The following KCNMA1 variants were observed in gnomAD, a reference collection of about 807,000 sequenced individuals.
KCNMA1 encodes the protein potassium calcium-activated channel subfamily M alpha 1, also known as Calcium-activated potassium channel subunit alpha-1.
A neutral mutation model predicts 140.0 loss-of-function variants in KCNMA1; 29 were observed. The observed-to-expected ratio is 0.21, with a 90% CI of 0.15 to 0.28. The LOEUF (loss-of-function observed/expected upper bound fraction) is 0.28. Among genes scored for constraint, KCNMA1 ranks in the 10% least tolerant of loss-of-function variants. The pLI, the probability that KCNMA1 is intolerant of heterozygous loss-of-function variation, is 1.00. For missense variants in KCNMA1, 880 were observed against 1,602.2 expected, an observed-to-expected ratio of 0.55 and a Z score of 7.70; for synonymous variants, 612 against 611.9, an observed-to-expected ratio of 1.00 and a Z score of 0.00.
At chr10:77,589,260 A>G (rs1404149144) in intron 1 of KCNMA1, among the ~76,000 whole-genome samples, 1 of 152,188 alleles carries the variant, frequency 6.6e-6, no homozygotes, top group Non-Finnish European at 1.5e-5. Context: ...GCCATGGATG[A>G]CTGGGGAGGC....
Position 77,637,272 on chromosome 10 carries a change from T to C in KCNMA1, c.371A>G (p.Lys124Arg), listed in dbSNP as rs750826732. The change falls in exon 1 of 28, where the codon AAG becomes AGG. Residue 124 changes from lysine (K) to arginine (R), a missense_variant. Physicochemically the swap from Lys to Arg is conservative, Grantham distance 26 (BLOSUM62 2). This residue lies in a region of KCNMA1 where 54 missense variants were observed against 56.4 expected (regional missense o/e 0.96). Coordinates refer to ENST00000286628, the MANE Select transcript of KCNMA1 (RefSeq NM_001161352.2). ...GCCCGGGGCGCGCGTTACCTTCGTC[T>C]TGCCCCCGCAGTGGCAGCACACGGT... is the stretch of plus-strand genomic sequence containing the variant. ...LWTVCCHCGG[K>R]TKEAQKINNG... 8.7e-6 allele frequency: 14 copies of C among 1,607,064 alleles called. No individual in the cohort carries two copies. Among genetic ancestry groups the C allele is most frequent in the South Asian group, 1.1e-5 (1 of 90,408 alleles).
At chr10:76,956,020 T>C (rs1218510827) in intron 20 of KCNMA1, among the ~76,000 whole-genome samples, 2 of 152,136 alleles carry the variant, frequency 1.3e-5, no homozygotes, top group Non-Finnish European at 2.9e-5. Flanking sequence ...ATTTAAAAGA[T>C]ACTCAGAACT....
chr10:77,627,136 C>T (rs548020794), intron 1 of KCNMA1, among the ~76,000 whole-genome samples: 44 of 152,282 alleles, frequency 2.9e-4, no homozygotes, highest in African/African-American at 1.0e-3. Flanking sequence ...AAACAGCCTC[C>T]TATTCTAAGA....
intron 1 of KCNMA1, among the ~76,000 whole-genome samples, chr10:77,530,190 C>T (rs532632331): frequency 3.3e-5 from 5 of 152,276 alleles, no homozygotes; most frequent in East Asian, 3.9e-4. Context: ...ACTAACCCAC[C>T]GAATGCAGCT....
intron 1 of KCNMA1, among the ~76,000 whole-genome samples, chr10:77,451,217 C>G (rs899243591): frequency 1.3e-5 from 2 of 152,170 alleles, no homozygotes; most frequent in Non-Finnish European, 2.9e-5. Flanking sequence ...CCCTGAGATA[C>G]AAGAGGAGCC....
chr10:77,419,877 A>C (rs370459932), intron 1 of KCNMA1, among the ~76,000 whole-genome samples: 6 of 152,208 alleles, frequency 3.9e-5, no homozygotes, highest in African/African-American at 1.4e-4. Flanking sequence ...CCAGTGGCCA[A>C]AGCACCAAAC....
chr10:76,928,316 T>A (rs61867128), intron 23 of KCNMA1, among the ~76,000 whole-genome samples: 1 of 137,824 alleles, frequency 7.3e-6, no homozygotes, highest in African/African-American at 2.7e-5. Context: ...CACACGCACA[T>A]ACACACACAT....
intron 14 of KCNMA1, 28 bp downstream of exon 14, chr10:77,073,069 A>G (rs1189735348): frequency 6.2e-7 from 1 of 1,609,500 alleles, no homozygotes; most frequent in South Asian, 1.1e-5. Context: ...ATCCCGAGCT[A>G]ATGTGCTCTA....
chr10:77,568,679 C>G (rs1165542810), intron 1 of KCNMA1, among the ~76,000 whole-genome samples: 153 of 149,032 alleles, frequency 1.0e-3, no homozygotes, highest in African/African-American at 3.7e-3. Context: ...TGGCACAAGA[C>G]AGGGATGCCC....
chr10:77,223,647 T>C (rs1753816092), intron 3 of KCNMA1, among the ~76,000 whole-genome samples: 1 of 152,174 alleles, frequency 6.6e-6, no homozygotes, highest in African/African-American at 2.4e-5. Context: ...AATGTGAGTG[T>C]TTTGCCCTCT....
chr10:77,417,183 T>C (rs565089607), intron 1 of KCNMA1, among the ~76,000 whole-genome samples: 12 of 152,202 alleles, frequency 7.9e-5, no homozygotes, highest in African/African-American at 2.4e-4. Flanking sequence ...TCCCCAAAGC[T>C]CTCCCTGTCC....
intron 9 of KCNMA1, among the ~76,000 whole-genome samples, chr10:77,099,823 C>A (rs1414539528): frequency 6.6e-6 from 1 of 152,146 alleles, no homozygotes; most frequent in Non-Finnish European, 1.5e-5. Flanking sequence ...ACCTCAGGAT[C>A]ACATCAGCGG....
intron 25 of KCNMA1, among the ~76,000 whole-genome samples, chr10:76,909,553 T>C (rs1429418471): frequency 6.6e-6 from 1 of 152,106 alleles, no homozygotes; most frequent in African/African-American, 2.4e-5. Flanking sequence ...CTCACAGGGT[T>C]TCTTTGCCTT....
At chr10:77,448,557 G>A (rs957864862) in intron 1 of KCNMA1, among the ~76,000 whole-genome samples, 1 of 152,150 alleles carries the variant, frequency 6.6e-6, no homozygotes. Context: ...GATCAGCAGC[G>A]ACATCTAAAT....
chr10:77,616,628 A>G (rs1418182948), intron 1 of KCNMA1, among the ~76,000 whole-genome samples: 1 of 152,142 alleles, frequency 6.6e-6, no homozygotes, highest in East Asian at 1.9e-4. Flanking sequence ...CAACATGGTG[A>G]AACCCCGTCT....
At chr10:77,035,514 T>G (rs145759307) in intron 15 of KCNMA1, among the ~76,000 whole-genome samples, 130 of 152,306 alleles carry the variant, frequency 8.5e-4, no homozygotes, top group Non-Finnish European at 1.7e-3. Flanking sequence ...TTACTTGGCA[T>G]TTGTTGGCAT....
chr10:77,046,042 AAT>A (rs2095035079), intron 14 of KCNMA1, among the ~76,000 whole-genome samples: 1 of 152,238 alleles, frequency 6.6e-6, no homozygotes, highest in Non-Finnish European at 1.5e-5. Context: ...CCATTATGTT[AAT>A]AGCTGCAATA....
chr10:77,635,089 C>CA (rs2093612709), intron 1 of KCNMA1: 1 of 152,228 alleles, frequency 6.6e-6, no homozygotes, highest in Non-Finnish European at 1.5e-5. Flanking sequence ...GTTATGTCCA[C>CA]TCAGCAGGTC....
At chr10:77,450,782 C>A (rs894512104) in intron 1 of KCNMA1, among the ~76,000 whole-genome samples, 1 of 152,162 alleles carries the variant, frequency 6.6e-6, no homozygotes, top group Non-Finnish European at 1.5e-5. Context: ...AAGTAGTAGA[C>A]CTGAAATGGT....
Sources: gnomAD v4.1 joint callset for allele counts (sites outside exome capture counted in the v4.1 genomes callset) on GRCh38, gnomAD v4.1.1 for gene constraint, gnomAD v4.1.1 regional missense constraint, MANE v1.5 for transcripts, NCBI Gene and HGNC (gene_info 2026-07-23, HGNC 2026-07-21) for gene names.